Variants in PCDHGC3 observed in about 807,000 individuals in gnomAD.
PCDHGC3 encodes the protein protocadherin gamma subfamily C, 3.
In PCDHGC3, 26 loss-of-function variants were observed where a neutral mutation model predicts 59.2. That is an observed-to-expected ratio of 0.44 (90% CI 0.32 to 0.61). The LOEUF is 0.61. PCDHGC3 is among the 20% of genes least tolerant of loss of function. The probability of loss-of-function intolerance (pLI) is 0.05; values close to 1 mark genes in which losing one functional copy is unlikely to be tolerated. For synonymous variants in PCDHGC3, 487 were observed against 519.7 expected (o/e 0.94, Z 0.86); for missense variants, 1,080 against 1,221.8 (o/e 0.88, Z 1.73).
intron 3 of PCDHGC3, among the ~76,000 whole-genome samples, chr5:141,510,741 C>A (rs11953770): frequency 1.3e-5 from 2 of 152,138 alleles, no homozygotes; most frequent in Non-Finnish European, 1.5e-5. Context: ...GGAATCAAAC[C>A]TAGACTTTCT....
rs771681529 is a variant in PCDHGC3 at position 141,486,617 on chromosome 5, C to T, written c.2430+8071C>T. The T allele has an allele frequency of 1.2e-6, 2 of 1,613,602 alleles. No individual in the cohort carries two copies. Among genetic ancestry groups the T allele is most frequent in the Non-Finnish European group, 1.7e-6 (2 of 1,180,036 alleles). On this transcript the variant is annotated intron_variant, in intron 1 of 3. Coordinates refer to ENST00000308177, the MANE Select transcript of PCDHGC3 (RefSeq NM_002588.4). The surrounding 1 kb of genome is among the most constrained non-coding windows in gnomAD (Gnocchi z 5.0). ...GCTTTGCTCCCTTGCAGCCTCTGAC[C>T]CAGACTCTGGCTTGAATGCGCTTAT...
chr5:141,501,290 TACACACACACACACACACAC>T (rs55762287), intron 2 of PCDHGC3, among the ~76,000 whole-genome samples: 1 of 136,162 alleles, frequency 7.3e-6, no homozygotes, highest in Non-Finnish European at 1.6e-5. Flanking sequence ...TATTCCCTTA[TACACACACACACACACACAC>T]ACACACACAC....
In PCDHGC3 at chr5:141,476,691, A is replaced by G; in HGVS notation, c.575A>G (p.Lys192Arg). 6.2e-7 allele frequency: 1 copy of G among 1,614,224 alleles called. No individual in the cohort carries two copies. Among genetic ancestry groups the G allele is most frequent in the Non-Finnish European group, 8.5e-7 (1 of 1,180,050 alleles). ...LRVQTREDST[K>R]YAELVLERAL... is the part of the protein sequence containing the mutation. The stretch of plus-strand genomic sequence containing the variant: ...GTGCAGACGCGGGAGGACAGCACCA[A>G]GTACGCGGAGCTGGTGTTGGAGCGC... Residue 192 changes from lysine (K) to arginine (R), a missense_variant, in exon 1 of 4, where the codon AAG becomes AGG. Physicochemically the swap from Lys to Arg is conservative, Grantham distance 26 (BLOSUM62 2). Transcript: ENST00000308177. This position sits in a 1 kb window ranked among gnomAD's most constrained non-coding sequence, Gnocchi z 7.6.
Position 141,505,383 on chromosome 5 carries a change from C to T in PCDHGC3, c.2490-10C>T, listed in dbSNP as rs369765886. On this transcript the variant is annotated splice_polypyrimidine_tract_variant and intron_variant, in intron 2 of 3. Coordinates refer to ENST00000308177, the MANE Select transcript of PCDHGC3 (RefSeq NM_002588.4). Reference sequence around the variant, plus strand: ...GGGAGTCTGTGCTCACCATCCTACTCTCTCCCCAGCTCCCAAAATGGCGAT... The same window carrying T: ...GGGAGTCTGTGCTCACCATCCTACTTTCTCCCCAGCTCCCAAAATGGCGAT... The T allele has an allele frequency of 1.2e-6, 2 of 1,613,944 alleles. No individual in the cohort carries two copies. Among genetic ancestry groups the T allele is most frequent in the African/African-American group, 2.7e-5 (2 of 74,914 alleles).
Position 141,486,812 on chromosome 5 carries a change from A to G in PCDHGC3, c.2431-7995A>G, listed in dbSNP as rs781747283. 6.2e-7 allele frequency: 1 copy of G among 1,614,226 alleles called. No individual in the cohort carries two copies. The highest frequency in any genetic ancestry group is 8.5e-7 in the Non-Finnish European group (1 of 1,180,046). ...GGATCGGGGCAACCCACCCCTTAGC[A>G]GCACTGTAACAGTTCGTCTATTTGT... On this transcript the variant is annotated intron_variant, in intron 1 of 3. Transcript: ENST00000308177. This position sits in a 1 kb window ranked among gnomAD's most constrained non-coding sequence, Gnocchi z 5.0.
At position 141,490,132 on chromosome 5, in the gene PCDHGC3, A is replaced by C. The variant is rs1245562757; in HGVS notation, c.2431-4675A>C. On this transcript the variant is annotated intron_variant, in intron 1 of 3. Coordinates refer to ENST00000308177, the MANE Select transcript of PCDHGC3 (RefSeq NM_002588.4). This position sits in a 1 kb window ranked among gnomAD's most constrained non-coding sequence, Gnocchi z 5.4. ...GCGGAACCTCTTTGGCCTAGACCCT[A>C]GCAGTGGGGCAATCCATGTGTTGGG... 6.2e-7 allele frequency: 1 copy of C among 1,614,220 alleles called. No individual in the cohort carries two copies. Among genetic ancestry groups the C allele is most frequent in the South Asian group, 1.1e-5 (1 of 91,088 alleles).
intron 2 of PCDHGC3, 166 bp from the exon 3 acceptor site, chr5:141,505,227 T>C: frequency 1.2e-6 from 1 of 840,112 alleles, no homozygotes; most frequent in Non-Finnish European, 1.4e-6. Context: ...TGTGGGATTC[T>C]GGCTTCTGAA....
At chr5:141,505,564 G>GGATGTCAAACCTGTGTAGTTTCTCCA in intron 3 of PCDHGC3, 83 bp downstream of exon 3, 1 of 1,603,196 alleles carries the variant, frequency 6.2e-7, no homozygotes, top group Non-Finnish European at 8.5e-7. Context: ...CCCACGGACT[G>GGATGTCAAACCTGTGTAGTTTCTCCA]GATGTCAAAC....
intron 1 of PCDHGC3, among the ~76,000 whole-genome samples, chr5:141,484,797 G>C (rs1228143036): frequency 6.6e-6 from 1 of 152,064 alleles, no homozygotes; most frequent in Non-Finnish European, 1.5e-5. Flanking sequence ...ATAACAACCC[G>C]TGGAAAAACA....
In PCDHGC3 at chr5:141,500,954, C is replaced by T. The variant is rs536993707; in HGVS notation, c.2490-4439C>T. On this transcript the variant is annotated intron_variant, in intron 2 of 3. Coordinates refer to ENST00000308177, the MANE Select transcript of PCDHGC3 (RefSeq NM_002588.4). Reference sequence around the variant, plus strand: ...CGCCATCTCGGCTCACTGCAAGCTCCACCTCCTGGGTTCAAGCAATTCTCC... The same window carrying T: ...CGCCATCTCGGCTCACTGCAAGCTCTACCTCCTGGGTTCAAGCAATTCTCC... Among the ~76,000 whole-genome samples the T allele has an allele frequency of 2.4e-3, 358 of 152,060 alleles. 1 individual carries two copies. The highest frequency in any genetic ancestry group is 4.1e-3 in the Admixed American group (63 of 15,282).
chr5:141,510,984 C>G lies in PCDHGC3; in HGVS notation c.2616C>G (p.Ala872=). ...ADGSSTLGGG[A]GTMGLSARYG... ...GGAGCTCCACCCTGGGAGGGGGTGC[C>G]GGCACCATGGGATTGAGCGCCCGCT... The change falls in exon 4 of 4, where the codon GCC becomes GCG. Residue 872 remains alanine (A), a synonymous_variant. Transcript: ENST00000308177. The G allele has an allele frequency of 1.2e-6, 2 of 1,614,162 alleles. No homozygotes were observed. The highest frequency in any genetic ancestry group is 1.7e-6 in the Non-Finnish European group (2 of 1,180,012).
In PCDHGC3 at chr5:141,475,992, C is replaced by A; in HGVS notation, c.-125C>A. On this transcript the variant is annotated 5_prime_UTR_variant, in exon 1 of 4. Transcript: ENST00000308177. Reference sequence around the variant, plus strand: ...GAGACTGAACAGCCGGCGAGCAAATCAACGGCATCCAGAAAGCCATGTCGG... The same window carrying A: ...GAGACTGAACAGCCGGCGAGCAAATAAACGGCATCCAGAAAGCCATGTCGG... The A allele has an allele frequency of 8.6e-7, 1 of 1,158,844 alleles. No individual in the cohort carries two copies. The highest frequency in any genetic ancestry group is 1.2e-6 in the Non-Finnish European group (1 of 824,990). The allele number at this position is 1,158,844 out of a possible 1,614,324, so 71.8% of individuals were successfully genotyped here. A position where few individuals can be genotyped will look rare whatever the true frequency, so the allele number is the denominator to read the frequency against.
chr5:141,478,026 C>G lies in PCDHGC3; in HGVS notation c.1910C>G (p.Thr637Arg). 6.2e-7 allele frequency: 1 copy of G among 1,614,180 alleles called. No homozygotes were observed. Among genetic ancestry groups the G allele is most frequent in the Non-Finnish European group, 8.5e-7 (1 of 1,180,034 alleles). The change falls in exon 1 of 4, where the codon ACA (threonine) becomes AGA (arginine). Residue 637 changes from threonine to arginine, a missense_variant. Physicochemically the swap from Thr to Arg is moderately conservative, Grantham distance 71. Transcript: ENST00000308177. Reference protein sequence around the residue: ...QISTARPVQDTDSPRQTLTVL... With the variant: ...QISTARPVQDRDSPRQTLTVL... Reference sequence around the variant, plus strand: ...AGTACTGCCCGTCCAGTCCAAGACACAGATTCACCCAGGCAGACTCTCACG... The same window carrying G: ...AGTACTGCCCGTCCAGTCCAAGACAGAGATTCACCCAGGCAGACTCTCACG...
Position 141,486,589 on chromosome 5 carries a change from C to T in PCDHGC3, c.2430+8043C>T. On this transcript the variant is annotated intron_variant, in intron 1 of 3. Transcript: ENST00000308177. The surrounding 1 kb of genome is among the most constrained non-coding windows in gnomAD (Gnocchi z 5.0). ...TTCCTGAGAACAATCGCCCAGGGGA[C>T]CTGCTTTGCTCCCTTGCAGCCTCTG... 1 of 1,613,676 alleles carries T rather than the reference C, an allele frequency of 6.2e-7. No individual in the cohort carries two copies. Among genetic ancestry groups the T allele is most frequent in the African/African-American group, 1.3e-5 (1 of 75,064 alleles).
rs1562157859 is a variant in PCDHGC3 at position 141,493,022 on chromosome 5, G to GTGCC, written c.2431-1784_2431-1781dup. Among the ~76,000 whole-genome samples, 2 of 152,222 alleles carry GTGCC rather than the reference G, an allele frequency of 1.3e-5. No homozygotes were observed. Among genetic ancestry groups the GTGCC allele is most frequent in the African/African-American group, 4.8e-5 (2 of 41,454 alleles). ...GCTATAGGCTCTGCCAGATGCCAGG[G>GTGCC]TGCCCTTATGTGTGAGGAAACTACA... On this transcript the variant is annotated intron_variant, in intron 1 of 3. Coordinates refer to ENST00000308177, the MANE Select transcript of PCDHGC3 (RefSeq NM_002588.4). The surrounding 1 kb of genome is among the most constrained non-coding windows in gnomAD (Gnocchi z 4.3).
chr5:141,490,417 C>A lies in PCDHGC3; in HGVS notation c.2431-4390C>A, dbSNP rs767996336. ...AGTGAGCCTTGATATCTCTCCGGAC[C>A]TGCCATTTCAGATTAAGCCTTCTGA... On this transcript the variant is annotated intron_variant, in intron 1 of 3. Transcript: ENST00000308177. The surrounding 1 kb of genome is among the most constrained non-coding windows in gnomAD (Gnocchi z 5.4). 4.3e-6 allele frequency: 7 copies of A among 1,614,196 alleles called. No homozygotes were observed. In the South Asian group the frequency reaches 7.7e-5, roughly 18 times the overall value.
In PCDHGC3 at chr5:141,486,671, C is replaced by A. The variant is rs1307620045; in HGVS notation, c.2430+8125C>A. On this transcript the variant is annotated intron_variant, in intron 1 of 3. Coordinates refer to ENST00000308177, the MANE Select transcript of PCDHGC3 (RefSeq NM_002588.4). The surrounding 1 kb of genome is among the most constrained non-coding windows in gnomAD (Gnocchi z 5.0). The stretch of plus-strand genomic sequence containing the variant: ...CTACTCACTCCTGGAGCCCAGGAAT[C>A]GAGATGTATCAGCTTCCTCTTTCAT... 1.9e-6 allele frequency: 3 copies of A among 1,614,044 alleles called. No individual in the cohort carries two copies. The highest frequency in any genetic ancestry group is 2.5e-6 in the Non-Finnish European group (3 of 1,180,014).
Position 141,486,271 on chromosome 5 carries a change from C to G in PCDHGC3, c.2430+7725C>G, listed in dbSNP as rs143039217. ...CCCTCCCCGAGAGTGCAGAACCTGG[C>G]ACTGTGGTGGCACTTATCAGTGTGC... On this transcript the variant is annotated intron_variant, in intron 1 of 3. Coordinates refer to ENST00000308177, the MANE Select transcript of PCDHGC3 (RefSeq NM_002588.4). The surrounding 1 kb of genome is among the most constrained non-coding windows in gnomAD (Gnocchi z 5.0). 6.2e-7 allele frequency: 1 copy of G among 1,613,968 alleles called. No homozygotes were observed. Among genetic ancestry groups the G allele is most frequent in the African/African-American group, 1.3e-5 (1 of 74,902 alleles).
At position 141,489,720 on chromosome 5, in the gene PCDHGC3, G is replaced by T. The variant is rs560729125; in HGVS notation, c.2431-5087G>T. 1.9e-6 allele frequency: 3 copies of T among 1,614,200 alleles called. No individual in the cohort carries two copies. Among genetic ancestry groups the T allele is most frequent in the Middle Eastern group, 1.6e-4 (1 of 6,062 alleles). ...TCCCACTGGACAGTGCCCAGGATCC[G>T]GATGTGGGCACCAATACTGTGAGCT... On this transcript the variant is annotated intron_variant, in intron 1 of 3. Transcript: ENST00000308177. This position sits in a 1 kb window ranked among gnomAD's most constrained non-coding sequence, Gnocchi z 4.5.
Sources: allele counts gnomAD v4.1 joint callset (sites outside exome capture counted in the v4.1 genomes callset), GRCh38; gene constraint gnomAD v4.1.1; non-coding constraint Gnocchi (gnomAD v3.1); transcripts MANE v1.5; gene names NCBI Gene and HGNC (gene_info 2026-07-23, HGNC 2026-07-21).